Variants in CHIC1 observed in about 807,000 individuals in gnomAD.
CHIC1 encodes cysteine rich hydrophobic domain 1, also known as cysteine-rich hydrophobic domain-containing protein 1.
A neutral mutation model predicts 18.5 loss-of-function variants in CHIC1; 7 were observed. The ratio of observed to expected loss-of-function variants is 0.38; its 90% CI spans 0.22 to 0.71. CHIC1 has a LOEUF of 0.71. Ranked by LOEUF, CHIC1 falls within the 30% of genes least tolerant of loss-of-function variation. The pLI is 0.49. For synonymous variants in CHIC1, 77 were observed against 73.5 expected (o/e 1.05, Z -0.25); for missense variants, 159 against 176.9 (o/e 0.90, Z 0.57).
intron 3 of CHIC1, among the ~76,000 whole-genome samples, chrX:73,665,018 T>C (rs1389179498): frequency 8.9e-6 from 1 of 112,258 alleles, no homozygotes; most frequent in African/African-American, 3.2e-5. Flanking sequence ...TTTATAAACG[T>C]TAAAAGAAAT....
chrX:73,670,445 C>T (rs906275931), intron 3 of CHIC1, among the ~76,000 whole-genome samples: 13 of 110,289 alleles, frequency 1.2e-4, no homozygotes, highest in African/African-American at 4.3e-4. Flanking sequence ...CCAACTTTTT[C>T]TTTCATTTAT....
intron 3 of CHIC1, among the ~76,000 whole-genome samples, chrX:73,614,982 A>G (rs994447518): frequency 1.8e-5 from 2 of 111,433 alleles, no homozygotes; most frequent in African/African-American, 6.5e-5. Flanking sequence ...GTATGTATGC[A>G]TCTGATATAA....
intron 3 of CHIC1, among the ~76,000 whole-genome samples, chrX:73,651,814 C>T (rs917284041): frequency 1.8e-5 from 2 of 111,619 alleles, no homozygotes; most frequent in Non-Finnish European, 3.8e-5. Context: ...CCGTACTGCC[C>T]ATAGTAATTT....
intron 3 of CHIC1, among the ~76,000 whole-genome samples, chrX:73,672,262 A>G (rs952653266): frequency 8.9e-6 from 1 of 111,989 alleles, no homozygotes; most frequent in South Asian, 3.7e-4. Flanking sequence ...AGCATGATTT[A>G]TAATCCTTTG....
At chrX:73,592,748 TA>T (rs2057588258) in intron 3 of CHIC1, among the ~76,000 whole-genome samples, 1 of 110,628 alleles carries the variant, frequency 9.0e-6, no homozygotes, top group Admixed American at 9.6e-5. Context: ...TCTCCTCCTC[TA>T]TTTTTTGGAA....
At chrX:73,585,694 T>G (rs1240303374) in intron 3 of CHIC1, among the ~76,000 whole-genome samples, 1 of 111,559 alleles carries the variant, frequency 9.0e-6, no homozygotes, top group Non-Finnish European at 1.9e-5. Context: ...CTCAGTTACT[T>G]AAGAACAGAT....
chrX:73,631,641 G>C lies in CHIC1; in HGVS notation c.507+47069G>C, dbSNP rs1260892878. Reference sequence around the variant, plus strand: ...AGACTCCATCTCAAAAAAAAAAAAAGTTATTTGATATCTTTTTTAATGTAA... The same window carrying C: ...AGACTCCATCTCAAAAAAAAAAAAACTTATTTGATATCTTTTTTAATGTAA... On this transcript the variant is annotated intron_variant, in intron 3 of 5. Transcript: ENST00000373502. 1.8e-5 allele frequency among the ~76,000 whole-genome samples: 2 copies of C among 110,329 alleles called. 1 individual carries two copies. The highest frequency in any genetic ancestry group is 8.5e-3 in the Middle Eastern group (2 of 235).
intron 3 of CHIC1, among the ~76,000 whole-genome samples, chrX:73,658,934 G>GT (rs1365274057): frequency 5.6e-4 from 63 of 111,943 alleles, no homozygotes; most frequent in African/African-American, 2.0e-3. Context: ...GCAGACACAG[G>GT]TTTTTTGCCT....
intron 3 of CHIC1, among the ~76,000 whole-genome samples, chrX:73,674,782 G>A (rs1173449111): frequency 9.2e-6 from 1 of 109,061 alleles, no homozygotes; most frequent in Non-Finnish European, 1.9e-5. Context: ...GCTAGCTTTT[G>A]AATGTGTTTG....
At chrX:73,641,599 G>A (rs990386399) in intron 3 of CHIC1, among the ~76,000 whole-genome samples, 3 of 110,277 alleles carry the variant, frequency 2.7e-5, no homozygotes, top group African/African-American at 1.0e-4. Context: ...CATGTGCCAT[G>A]CTGGTGTGCT....
At chrX:73,662,009 G>A (rs187086536) in intron 3 of CHIC1, among the ~76,000 whole-genome samples, 91 of 108,232 alleles carry the variant, frequency 8.4e-4, no homozygotes, top group African/African-American at 2.9e-3. Context: ...TGCACACTGT[G>A]CACATGTACC....
intron 3 of CHIC1, among the ~76,000 whole-genome samples, chrX:73,662,313 A>G (rs1351338844): frequency 9.2e-6 from 1 of 108,735 alleles, no homozygotes; most frequent in Non-Finnish European, 1.9e-5. Context: ...AGTTGGATAT[A>G]GGGAGAGAGT....
At chrX:73,599,317 G>T (rs2147563923) in intron 3 of CHIC1, among the ~76,000 whole-genome samples, 1 of 101,544 alleles carries the variant, frequency 9.8e-6, no homozygotes, top group South Asian at 4.5e-4. Context: ...CTTTTGCTGT[G>T]CAGAAGCTCT....
At chrX:73,653,682 C>T (rs1343162363) in intron 3 of CHIC1, among the ~76,000 whole-genome samples, 1 of 112,267 alleles carries the variant, frequency 8.9e-6, no homozygotes, top group African/African-American at 3.2e-5. Context: ...ATTCTTCTAA[C>T]CTATTAGCAT....
chrX:73,609,677 T>G (rs2057698858), intron 3 of CHIC1, among the ~76,000 whole-genome samples: 1 of 110,109 alleles, frequency 9.1e-6, no homozygotes, highest in Non-Finnish European at 1.9e-5. Context: ...TTTTCTCTAA[T>G]TGATACTTAG....
intron 3 of CHIC1, among the ~76,000 whole-genome samples, chrX:73,592,027 C>T (rs780571076): frequency 2.8e-4 from 31 of 110,821 alleles, no homozygotes; most frequent in Admixed American, 1.9e-3. Context: ...TTTCAATAAT[C>T]ACAAAACATT....
At chrX:73,615,550 T>C (rs2057728622) in intron 3 of CHIC1, among the ~76,000 whole-genome samples, 2 of 111,918 alleles carry the variant, frequency 1.8e-5, no homozygotes, top group Non-Finnish European at 3.8e-5. Context: ...GCTGTGGTAC[T>C]AGTGGTTGAG....
intron 3 of CHIC1, among the ~76,000 whole-genome samples, chrX:73,633,450 T>A (rs1053857023): frequency 9.0e-6 from 1 of 111,667 alleles, no homozygotes; most frequent in Non-Finnish European, 1.9e-5. Flanking sequence ...ATGAGTTGTT[T>A]TCACTTTCAA....
intron 3 of CHIC1, among the ~76,000 whole-genome samples, chrX:73,605,705 C>T (rs773461676): frequency 4.6e-5 from 5 of 108,606 alleles, no homozygotes; most frequent in Non-Finnish European, 9.4e-5. Context: ...CAGAATCTCT[C>T]GGCATTTACT....
Sources: allele counts gnomAD v4.1 joint callset (sites outside exome capture counted in the v4.1 genomes callset), GRCh38; gene constraint gnomAD v4.1.1; transcripts MANE v1.5; gene names NCBI Gene and HGNC (gene_info 2026-07-23, HGNC 2026-07-21).